The following MYH15 variants were observed in gnomAD, a reference collection of about 807,000 sequenced individuals.
MYH15 encodes myosin-15.
A neutral mutation model predicts 240.5 loss-of-function variants in MYH15; 227 were observed. That is an observed-to-expected ratio of 0.94 (90% CI 0.85 to 1.05). MYH15 has a LOEUF of 1.05. Among genes scored for constraint, MYH15 ranks in the 50% least tolerant of loss-of-function variants. MYH15 has a pLI of 0.00. For missense variants in MYH15, 2,217 were observed against 2,247.5 expected, an observed-to-expected ratio of 0.99 and a Z score of 0.27; for synonymous variants, 785 against 796.7, an observed-to-expected ratio of 0.99 and a Z score of 0.25.
intron 9 of MYH15, among the ~76,000 whole-genome samples, chr3:108,487,535 A>T (rs2083315932): frequency 6.6e-6 from 1 of 152,156 alleles, no homozygotes; most frequent in South Asian, 2.1e-4. Flanking sequence ...AAGAATATAC[A>T]CTCTATGATT....
chr3:108,493,116 A>G lies in MYH15; in HGVS notation c.773T>C (p.Ile258Thr), dbSNP rs755777461. Residue 258 changes from isoleucine (I) to threonine (T), a missense_variant and splice_region_variant, in exon 8 of 41, where the codon ATC (isoleucine) becomes ACC (threonine). By Grantham distance (89) the Ile-to-Thr change is moderately conservative. Transcript: ENST00000693548. Reference protein sequence around the residue: ...RGMLSSVDIDIYLLEKSRVIF... With the variant: ...RGMLSSVDIDTYLLEKSRVIF... ...CAGACAGTGCAATGACTACTTACAG[A>G]TATCAATGTCCACAGATGACAGCAT... 2 of 1,613,978 alleles carry G rather than the reference A, an allele frequency of 1.2e-6. No homozygotes were observed. Among genetic ancestry groups the G allele is most frequent in the South Asian group, 2.2e-5 (2 of 91,076 alleles).
intron 1 of MYH15, among the ~76,000 whole-genome samples, chr3:108,507,176 G>A (rs1335957296): frequency 2.1e-5 from 3 of 140,328 alleles, no homozygotes; most frequent in African/African-American, 8.0e-5. Context: ...ATATATGTGT[G>A]TCTATGTATG....
At chr3:108,464,191 G>A (rs2083094772) in intron 15 of MYH15, among the ~76,000 whole-genome samples, 1 of 152,200 alleles carries the variant, frequency 6.6e-6, no homozygotes, top group African/African-American at 2.4e-5. Context: ...GAAATGAGGA[G>A]AGGTAGCAAG....
intron 35 of MYH15, among the ~76,000 whole-genome samples, chr3:108,395,859 G>T (rs2082456674): frequency 6.6e-6 from 1 of 152,082 alleles, no homozygotes. Context: ...TAACTGCAAG[G>T]TGCCGCAGCA....
intron 31 of MYH15, among the ~76,000 whole-genome samples, chr3:108,409,089 C>T (rs994955448): frequency 6.6e-6 from 1 of 152,152 alleles, no homozygotes; most frequent in African/African-American, 2.4e-5. Flanking sequence ...CAGAGAATTA[C>T]CCAGTTCAGA....
chr3:108,390,727 CATT>C (rs2082417350), intron 37 of MYH15, among the ~76,000 whole-genome samples: 1 of 152,182 alleles, frequency 6.6e-6, no homozygotes, highest in Non-Finnish European at 1.5e-5. Flanking sequence ...TTTAATATAT[CATT>C]AACTTCATTT....
intron 14 of MYH15, among the ~76,000 whole-genome samples, chr3:108,467,179 A>C (rs1374442857): frequency 6.6e-6 from 1 of 151,796 alleles, no homozygotes; most frequent in Non-Finnish European, 1.5e-5. Context: ...GAGTTCTGGG[A>C]ACTTGACTGC....
chr3:108,460,126 G>A (rs1176104102), intron 17 of MYH15, among the ~76,000 whole-genome samples, 174 bp downstream of exon 17: 1 of 152,104 alleles, frequency 6.6e-6, no homozygotes, highest in East Asian at 1.9e-4. Context: ...GGATGTAAGT[G>A]GGAACAAACA....
chr3:108,456,571 C>A (rs892831539), intron 19 of MYH15, among the ~76,000 whole-genome samples, 195 bp downstream of exon 19: 2 of 152,120 alleles, frequency 1.3e-5, no homozygotes, highest in Admixed American at 6.5e-5. Context: ...AAGGATATTA[C>A]AGTTACATGG....
At chr3:108,427,777 C>A (rs2082738182) in intron 27 of MYH15, among the ~76,000 whole-genome samples, 1 of 152,110 alleles carries the variant, frequency 6.6e-6, no homozygotes, top group South Asian at 2.1e-4. Flanking sequence ...AACCATAGTC[C>A]ATGGAGATCA....
At chr3:108,436,237 C>T (rs976650145) in intron 25 of MYH15, among the ~76,000 whole-genome samples, 1 of 152,186 alleles carries the variant, frequency 6.6e-6, no homozygotes, top group Non-Finnish European at 1.5e-5. Context: ...ACACGACATA[C>T]AGTATCATTT....
chr3:108,488,298 A>T (rs577075827), intron 9 of MYH15, among the ~76,000 whole-genome samples: 2 of 152,200 alleles, frequency 1.3e-5, no homozygotes, highest in South Asian at 4.2e-4. Context: ...CTTGACAAAA[A>T]TAACAAGATT....
At chr3:108,418,885 G>A (rs1011199912) in intron 28 of MYH15, among the ~76,000 whole-genome samples, 1 of 152,074 alleles carries the variant, frequency 6.6e-6, no homozygotes, top group Non-Finnish European at 1.5e-5. Flanking sequence ...CAAATGGCTG[G>A]GACTACAGAT....
chr3:108,492,237 TCTGCTG>T (rs1289872786), intron 9 of MYH15, among the ~76,000 whole-genome samples: 2 of 98,578 alleles, frequency 2.0e-5, no homozygotes, highest in Non-Finnish European at 5.2e-5. Flanking sequence ...CTCACTCACC[TCTGCTG>T]GGCATCCTAC....
intron 5 of MYH15, among the ~76,000 whole-genome samples, chr3:108,498,783 T>C (rs1456832317): frequency 6.6e-6 from 1 of 152,200 alleles, no homozygotes; most frequent in Non-Finnish European, 1.5e-5. Context: ...ATGATCCCTC[T>C]TGGGATAACT....
chr3:108,449,817 G>T (rs2082958225), intron 21 of MYH15, among the ~76,000 whole-genome samples: 1 of 151,826 alleles, frequency 6.6e-6, no homozygotes, highest in African/African-American at 2.4e-5. Flanking sequence ...GAAAATATTT[G>T]CAAACTATAC....
chr3:108,456,122 A>G (rs1337854251), intron 19 of MYH15, among the ~76,000 whole-genome samples: 1 of 151,860 alleles, frequency 6.6e-6, no homozygotes, highest in Non-Finnish European at 1.5e-5. Flanking sequence ...GGATTGGAAG[A>G]GGAAAGAGAG....
chr3:108,409,162 T>C (rs2082569418), intron 31 of MYH15, among the ~76,000 whole-genome samples: 1 of 152,170 alleles, frequency 6.6e-6, no homozygotes, highest in Non-Finnish European at 1.5e-5. Context: ...GGCTGTGATG[T>C]GATATGATGA....
intron 38 of MYH15, among the ~76,000 whole-genome samples, chr3:108,385,372 C>T (rs547201744): frequency 2.0e-5 from 3 of 152,170 alleles, no homozygotes; most frequent in Non-Finnish European, 2.9e-5. Flanking sequence ...AATTCTGATG[C>T]GGAGATAGCA....
Sources: gnomAD v4.1 joint callset for allele counts (sites outside exome capture counted in the v4.1 genomes callset) on GRCh38, gnomAD v4.1.1 for gene constraint, MANE v1.5 for transcripts, NCBI Gene and HGNC (gene_info 2026-07-23, HGNC 2026-07-21) for gene names.